Variants in GRIP1 observed in about 807,000 individuals in gnomAD.
GRIP1 encodes the protein glutamate receptor interacting protein 1.
Under a neutral mutation model 129.9 loss-of-function variants are expected in GRIP1, and 45 were observed. That is an observed-to-expected ratio of 0.35 (90% CI 0.27 to 0.44). GRIP1 has a LOEUF of 0.44. Among genes scored for constraint, GRIP1 ranks in the 20% least tolerant of loss-of-function variants. GRIP1 has a pLI of 1.00. For synonymous variants in GRIP1, 530 were observed against 520.8 expected (o/e 1.02, Z -0.24); for missense variants, 1,196 against 1,396.8 (o/e 0.86, Z 2.29).
rs185493039 is a variant in GRIP1, at chr12:66,883,973, T to C, written c.58+185077A>G. The stretch of plus-strand genomic sequence containing the variant: ...CACATTGTTCAAAAATATTAGCTAC[T>C]ATCACTGAATTAGAGAGGGTGATCA... On this transcript the variant is annotated intron_variant, in intron 1 of 1. Coordinates refer to the GRIP1 transcript ENST00000643019. Among the ~76,000 whole-genome samples, 327 of 152,344 alleles carry C rather than the reference T, an allele frequency of 2.1e-3. 1 individual carries two copies. Among genetic ancestry groups the C allele is most frequent in the Non-Finnish European group, 3.7e-3 (249 of 68,026 alleles).
chr12:66,473,901 T>C (rs1406201202), intron 7 of GRIP1, among the ~76,000 whole-genome samples: 1 of 151,940 alleles, frequency 6.6e-6, no homozygotes, highest in African/African-American at 2.4e-5. Context: ...GCCTAAAAAT[T>C]CAAAAACCGG....
At position 66,579,703 on chromosome 12, in the gene GRIP1, G is replaced by C. The variant is rs906250769; in HGVS notation, c.136+17144C>G. ...GAAATGAAGCAAGAAGGGAAGTTTA[G>C]AGAAAAAAGAATAAAAAGAAACAAA... On this transcript the variant is annotated intron_variant, in intron 2 of 24. Coordinates refer to ENST00000359742, the MANE Select transcript of GRIP1 (RefSeq NM_001366722.1). 2.6e-4 allele frequency among the ~76,000 whole-genome samples: 39 copies of C among 152,020 alleles called. 1 individual carries two copies. Among genetic ancestry groups the C allele is most frequent in the African/African-American group, 8.7e-4 (36 of 41,412 alleles).
intron 2 of GRIP1, among the ~76,000 whole-genome samples, chr12:66,562,207 A>C (rs748342095): frequency 1.3e-5 from 2 of 152,218 alleles, no homozygotes; most frequent in Non-Finnish European, 2.9e-5. Flanking sequence ...AATAACTCAA[A>C]GCACATGCAT....
intron 1 of GRIP1, among the ~76,000 whole-genome samples, chr12:66,921,368 G>C (rs2137360708): frequency 6.6e-6 from 1 of 152,306 alleles, no homozygotes; most frequent in Admixed American, 6.5e-5. Context: ...CATAAGATCA[G>C]TACACAAGAA....
intron 1 of GRIP1, among the ~76,000 whole-genome samples, chr12:66,778,394 GC>G (rs1190511738): frequency 6.6e-6 from 1 of 152,106 alleles, no homozygotes; most frequent in African/African-American, 2.4e-5. Flanking sequence ...AGTTTCCTTT[GC>G]CAGTAAATGG....
rs1302137727 is a variant in GRIP1, at chr12:66,347,578, A to AAATT, written c.*1437_*1440dup. The AAATT allele has an allele frequency of 2.6e-5, 4 of 152,218 alleles. No homozygotes were observed. The highest frequency in any genetic ancestry group is 4.8e-5 in the African/African-American group (2 of 41,452). 9.4% of individuals were successfully genotyped at this position (152,218 alleles called of 1,614,324 possible). ...ATAAATACCATGCTATTAAAGTATT[A>AAATT]AATTTGTACAAAAATACTTTACAGT... On this transcript the variant is annotated 3_prime_UTR_variant, in exon 25 of 25. Transcript: ENST00000359742.
intron 1 of GRIP1, among the ~76,000 whole-genome samples, chr12:66,716,215 T>A (rs994134761): frequency 6.6e-6 from 1 of 152,112 alleles, no homozygotes; most frequent in East Asian, 1.9e-4. Flanking sequence ...CCAACATATG[T>A]GAACACATTT....
intron 7 of GRIP1, among the ~76,000 whole-genome samples, chr12:66,481,145 T>A (rs1369761640): frequency 6.7e-6 from 1 of 149,780 alleles, no homozygotes; most frequent in Admixed American, 6.7e-5. Context: ...GAAACTATCA[T>A]CAGAGTGAAG....
chr12:66,348,026 G>GTAAT lies in GRIP1; in HGVS notation c.*989_*992dup, dbSNP rs1473111820. 1 of 152,128 alleles carries GTAAT rather than the reference G, an allele frequency of 6.6e-6. No individual in the cohort carries two copies. The highest frequency in any genetic ancestry group is 1.5e-5 in the Non-Finnish European group (1 of 68,036). 9.4% of individuals were successfully genotyped at this position (152,128 alleles called of 1,614,324 possible). ...TCACAATTTATTGCTTTGAGGGATG[G>GTAAT]TAATAATTGGCAATGCATTTGTGAA... On this transcript the variant is annotated 3_prime_UTR_variant, in exon 25 of 25. Transcript: ENST00000359742.
At chr12:66,397,342 G>A (rs1344938227) in intron 16 of GRIP1, among the ~76,000 whole-genome samples, 3 of 151,508 alleles carry the variant, frequency 2.0e-5, no homozygotes, top group Non-Finnish European at 4.4e-5. Flanking sequence ...CCAAAACCCC[G>A]TCTCTACTAA....
At chr12:66,418,107 A>C (rs1397720463) in intron 15 of GRIP1, among the ~76,000 whole-genome samples, 1 of 152,228 alleles carries the variant, frequency 6.6e-6, no homozygotes, top group African/African-American at 2.4e-5. Context: ...CCAATGGAAC[A>C]GAATAGAGAA....
intron 19 of GRIP1, among the ~76,000 whole-genome samples, chr12:66,391,030 G>GT (rs1199967984): frequency 3.3e-5 from 5 of 151,742 alleles, no homozygotes; most frequent in African/African-American, 9.7e-5. Context: ...TTTTTTTCCA[G>GT]TTTTTTCTCC....
intron 1 of GRIP1, among the ~76,000 whole-genome samples, chr12:66,747,867 T>C (rs1260008226): frequency 5.9e-5 from 9 of 152,160 alleles, no homozygotes; most frequent in African/African-American, 1.2e-4. Flanking sequence ...ACATAATACA[T>C]TGAATACAAT....
At chr12:66,500,610 C>G (rs145946214) in intron 7 of GRIP1, among the ~76,000 whole-genome samples, 2 of 152,130 alleles carry the variant, frequency 1.3e-5, no homozygotes, top group Non-Finnish European at 2.9e-5. Flanking sequence ...CACAGTGAGT[C>G]TCTTGCATTT....
At chr12:66,475,040 G>T (rs2138466394) in intron 7 of GRIP1, among the ~76,000 whole-genome samples, 1 of 151,848 alleles carries the variant, frequency 6.6e-6, no homozygotes, top group African/African-American at 2.4e-5. Flanking sequence ...TGGCAAATTG[G>T]ATAAAGAGTC....
chr12:67,038,585 C>T (rs1268492036), intron 1 of GRIP1, among the ~76,000 whole-genome samples: 1 of 152,096 alleles, frequency 6.6e-6, no homozygotes, highest in African/African-American at 2.4e-5. Context: ...TCTCAGAGCC[C>T]CTTTTAAAAA....
At chr12:66,563,074 T>G (rs2062597963) in intron 2 of GRIP1, among the ~76,000 whole-genome samples, 1 of 151,996 alleles carries the variant, frequency 6.6e-6, no homozygotes, top group Admixed American at 6.6e-5. Context: ...TCTGTGTTTA[T>G]GTAGACCTGT....
At chr12:66,520,826 T>C (rs1447502366) in intron 5 of GRIP1, among the ~76,000 whole-genome samples, 2 of 152,244 alleles carry the variant, frequency 1.3e-5, no homozygotes, top group Non-Finnish European at 2.9e-5. Context: ...TCAATGAATA[T>C]CTGCAACAGC....
upstream of GRIP1, among the ~76,000 whole-genome samples, chr12:66,679,798 C>G (rs2034513432): frequency 6.6e-6 from 1 of 152,168 alleles, no homozygotes; most frequent in Non-Finnish European, 1.5e-5. Context: ...TACTATTTCC[C>G]AAACAACCAT....
Sources: gnomAD v4.1 joint callset for allele counts (sites outside exome capture counted in the v4.1 genomes callset) on GRCh38, gnomAD v4.1.1 for gene constraint, MANE v1.5 for transcripts, NCBI Gene and HGNC (gene_info 2026-07-23, HGNC 2026-07-21) for gene names.